The following FOXP1 variants were observed in gnomAD, a reference collection of about 807,000 sequenced individuals.
FOXP1 encodes forkhead box protein P1.
Under a neutral mutation model 98.2 loss-of-function variants are expected in FOXP1, and 15 were observed. The ratio of observed to expected loss-of-function variants is 0.15; its 90% CI spans 0.10 to 0.24. The LOEUF is 0.24. Ranked by LOEUF, FOXP1 falls within the 10% of genes least tolerant of loss-of-function variation. The pLI is 1.00. For missense variants in FOXP1, 633 were observed against 848.5 expected (o/e 0.75, Z 3.15); for synonymous variants, 371 against 314.5 (o/e 1.18, Z -1.90).
intron 6 of FOXP1, among the ~76,000 whole-genome samples, chr3:71,144,726 C>T (rs571446884): frequency 6.6e-6 from 1 of 152,168 alleles, no homozygotes; most frequent in East Asian, 1.9e-4. Context: ...CAGGGGGGTA[C>T]AGAGTATGAG....
intron 5 of FOXP1, among the ~76,000 whole-genome samples, chr3:71,283,830 A>G (rs2071819597): frequency 6.6e-6 from 1 of 152,202 alleles, no homozygotes; most frequent in African/African-American, 2.4e-5. Context: ...TCTGGTGAAT[A>G]AAGAAATGAA....
At chr3:71,055,811 A>G (rs2050552899) in intron 7 of FOXP1, among the ~76,000 whole-genome samples, 1 of 152,210 alleles carries the variant, frequency 6.6e-6, no homozygotes, top group African/African-American at 2.4e-5. Context: ...CAAAAGAACC[A>G]TGTTTAAGGT....
chr3:71,120,361 T>C (rs1239520813), intron 6 of FOXP1, among the ~76,000 whole-genome samples: 3 of 152,238 alleles, frequency 2.0e-5, no homozygotes, highest in African/African-American at 4.8e-5. Flanking sequence ...AAAGGCTCTA[T>C]GTAGCATCAT....
At chr3:71,298,166 T>G (rs2073504108) in intron 5 of FOXP1, among the ~76,000 whole-genome samples, 1 of 152,166 alleles carries the variant, frequency 6.6e-6, no homozygotes, top group Non-Finnish European at 1.5e-5. Flanking sequence ...TGTCTTCCTT[T>G]TAAAGATTAG....
chr3:71,223,813 C>T (rs1479079994), intron 5 of FOXP1, among the ~76,000 whole-genome samples: 4 of 152,124 alleles, frequency 2.6e-5, no homozygotes, highest in Admixed American at 2.0e-4. Flanking sequence ...GCTCTCCGCT[C>T]AGGCCAGGAG....
chr3:71,008,431 G>C (rs1428716760), intron 12 of FOXP1, among the ~76,000 whole-genome samples: 1 of 152,164 alleles, frequency 6.6e-6, no homozygotes, highest in African/African-American at 2.4e-5. Flanking sequence ...CACCACTCTG[G>C]ATGATACGGG....
rs115383160 is a variant in FOXP1 at position 71,241,389 on chromosome 3, G to T, written c.-11-42997C>A. ...TAGGTCCCAAGTCTGACTTAGGGGC[G>T]AGTGGAGAGCATTTGGCGTCTCAAA... is the stretch of plus-strand genomic sequence containing the variant. On this transcript the variant is annotated intron_variant, in intron 5 of 20. Transcript: ENST00000649528. Among the ~76,000 whole-genome samples, 718 of 152,252 alleles carry T rather than the reference G, an allele frequency of 4.7e-3. 6 individuals carry two copies. The highest frequency in any genetic ancestry group is 0.016 in the African/African-American group (669 of 41,536).
At chr3:71,349,496 T>C (rs949163616) in intron 4 of FOXP1, among the ~76,000 whole-genome samples, 20 of 152,174 alleles carry the variant, frequency 1.3e-4, no homozygotes, top group Non-Finnish European at 2.9e-5. Flanking sequence ...AAATATGGGA[T>C]GAATTGTGGG....
intron 6 of FOXP1, among the ~76,000 whole-genome samples, chr3:71,116,832 G>A (rs2058407928): frequency 6.6e-6 from 1 of 152,166 alleles, no homozygotes; most frequent in Non-Finnish European, 1.5e-5. Context: ...ATAACACTAT[G>A]TATCTGGGCA....
chr3:71,059,261 A>C (rs1191589307), intron 7 of FOXP1, among the ~76,000 whole-genome samples: 1 of 152,144 alleles, frequency 6.6e-6, no homozygotes, highest in African/African-American at 2.4e-5. Flanking sequence ...CAGGTTATCA[A>C]CCCTAATAAG....
Position 70,955,316 on chromosome 3 carries a change from G to C in FOXP1, c.*3931C>G. 4.3e-6 allele frequency: 1 copy of C among 233,008 alleles called. No homozygotes were observed. The highest frequency in any genetic ancestry group is 8.5e-6 in the Non-Finnish European group (1 of 117,834). The allele number at this position is 233,008 out of a possible 1,614,324, so 14.4% of individuals were successfully genotyped here. ...TAGGTCTGACTGGATGCTGGGGATG[G>C]TGTTAGAGCTGTCCAAAGGTGGCAG... On this transcript the variant is annotated 3_prime_UTR_variant, in exon 21 of 21. Coordinates refer to ENST00000649528, the MANE Select transcript of FOXP1 (RefSeq NM_001349338.3).
At chr3:71,184,624 C>A (rs935391316) in intron 6 of FOXP1, among the ~76,000 whole-genome samples, 3 of 152,126 alleles carry the variant, frequency 2.0e-5, no homozygotes, top group Non-Finnish European at 4.4e-5. Flanking sequence ...AAAAGAGGAA[C>A]CCTTTTCCAA....
At chr3:71,296,791 T>C (rs1414266273) in intron 5 of FOXP1, among the ~76,000 whole-genome samples, 2 of 152,180 alleles carry the variant, frequency 1.3e-5, no homozygotes, top group East Asian at 1.9e-4. Flanking sequence ...GAATGGCTAG[T>C]GTCCTCCCCA....
chr3:71,086,097 A>T (rs1001237426), intron 7 of FOXP1, among the ~76,000 whole-genome samples: 3 of 152,210 alleles, frequency 2.0e-5, no homozygotes, highest in African/African-American at 7.2e-5. Context: ...TCACGATTCA[A>T]ACATGAATCC....
rs1187795578 is a variant in FOXP1, at chr3:70,966,027, T to C, written c.1752A>G (p.Leu584=). Residue 584 remains leucine, a synonymous_variant, in exon 20 of 21, where the codon CTA becomes CTG. Transcript: ENST00000649528. ...GATTTCCCATGGAAGCGGTAGTGTA[T>C]AGAGGTATACTATTCTCAGCCATTG... ...QASMAENSIP[L]YTTASMGNPT... is the part of the protein sequence containing the mutation. The C allele has an allele frequency of 2.5e-6, 4 of 1,614,012 alleles. No individual in the cohort carries two copies. The highest frequency in any genetic ancestry group is 2.7e-5 in the African/African-American group (2 of 74,916).
At chr3:71,109,740 G>C (rs920073656) in intron 7 of FOXP1, among the ~76,000 whole-genome samples, 8 of 152,158 alleles carry the variant, frequency 5.3e-5, no homozygotes, top group Admixed American at 4.6e-4. Context: ...ACCTAGGATA[G>C]TAATTTCTCC....
chr3:71,229,018 C>A (rs559911215), intron 5 of FOXP1, among the ~76,000 whole-genome samples: 1 of 148,366 alleles, frequency 6.7e-6, no homozygotes, highest in East Asian at 2.0e-4. Context: ...GTTTAATGAG[C>A]AGACCTGTAT....
chr3:71,571,313 T>C (rs909736536), intron 2 of FOXP1: 2 of 152,228 alleles, frequency 1.3e-5, no homozygotes, highest in African/African-American at 4.8e-5. Context: ...TTAAAACTGC[T>C]GTCTAATGGG....
intron 3 of FOXP1, among the ~76,000 whole-genome samples, chr3:71,464,480 A>G (rs1453607687): frequency 1.3e-5 from 2 of 152,196 alleles, no homozygotes; most frequent in African/African-American, 4.8e-5. Context: ...AAGGTGAATC[A>G]GAGGCCAAGT....
Sources: gnomAD v4.1 joint callset for allele counts (sites outside exome capture counted in the v4.1 genomes callset) on GRCh38, gnomAD v4.1.1 for gene constraint, MANE v1.5 for transcripts, NCBI Gene and HGNC (gene_info 2026-07-23, HGNC 2026-07-21) for gene names.